The following DCDC1 variants were observed in gnomAD, a reference collection of about 807,000 sequenced individuals.
The protein encoded by DCDC1 is doublecortin domain containing 1, also known as doublecortin domain-containing protein 1.
In DCDC1, 200 loss-of-function variants were observed where a neutral mutation model predicts 178.3. The observed-to-expected ratio is 1.12, with a 90% CI of 1.00 to 1.26. DCDC1 has a LOEUF of 1.26. DCDC1 is among the 50% of genes most tolerant of loss of function. The pLI is 0.00. For synonymous variants in DCDC1, 690 were observed against 604.8 expected (o/e 1.14, Z -2.07); for missense variants, 1,983 against 1,749.2 (o/e 1.13, Z -2.38).
intron 8 of DCDC1, 154 bp from the exon 9 acceptor site, chr11:31,241,770 A>G: frequency 2.6e-6 from 1 of 383,732 alleles, no homozygotes. Flanking sequence ...CTGCGTTACT[A>G]GTGGCCACCA....
In DCDC1 at chr11:30,878,512, T is replaced by C. The variant is rs532985679; in HGVS notation, c.*40+32A>G. On this transcript the variant is annotated intron_variant, in intron 38 of 38. Transcript: ENST00000684477. ...AAAGAGATAAATAATCATAATGTCA[T>C]AACAAACATGAGTATGTGCACATAG... is the stretch of plus-strand genomic sequence containing the variant. 12 of 1,445,348 alleles carry C rather than the reference T, an allele frequency of 8.3e-6. No homozygotes were observed. In the African/African-American group the frequency reaches 1.8e-4, roughly 21 times the overall value. The allele number at this position is 1,445,348 out of a possible 1,614,324, so 89.5% of individuals were successfully genotyped here.
At chr11:31,357,069 C>A (rs1452355933) in intron 1 of DCDC1, among the ~76,000 whole-genome samples, 2 of 151,944 alleles carry the variant, frequency 1.3e-5, no homozygotes, top group East Asian at 3.9e-4. Flanking sequence ...AAGAGGGAAT[C>A]CTCCCTAACT....
At chr11:31,004,880 T>C (rs1199585786) in intron 20 of DCDC1, among the ~76,000 whole-genome samples, 3 of 152,054 alleles carry the variant, frequency 2.0e-5, no homozygotes, top group Non-Finnish European at 2.9e-5. Context: ...ATAGATAAAA[T>C]GTCTAAGTGT....
At chr11:31,157,180 A>T (rs1274612543) in intron 9 of DCDC1, among the ~76,000 whole-genome samples, 6 of 151,288 alleles carry the variant, frequency 4.0e-5, no homozygotes, top group Admixed American at 2.0e-4. Context: ...GGAGTTTGAG[A>T]CCAGACTGGG....
At chr11:30,900,282 A>G in intron 33 of DCDC1, 64 bp downstream of exon 33, 2 of 1,339,050 alleles carry the variant, frequency 1.5e-6, no homozygotes, top group Non-Finnish European at 2.0e-6. Context: ...TTATGATGGC[A>G]TAAAATGTAT....
intron 20 of DCDC1, among the ~76,000 whole-genome samples, chr11:30,973,289 A>AAC: frequency 6.6e-6 from 1 of 150,684 alleles, no homozygotes; most frequent in African/African-American, 2.4e-5. Flanking sequence ...AAAAAAAAAA[A>AAC]ATGTAGCATC....
chr11:31,048,260 A>G (rs1437359942), intron 20 of DCDC1, among the ~76,000 whole-genome samples: 1 of 152,208 alleles, frequency 6.6e-6, no homozygotes, highest in Non-Finnish European at 1.5e-5. Flanking sequence ...AAAATGAGAA[A>G]TTAATGCATA....
chr11:30,891,474 C>T (rs1943768470), intron 36 of DCDC1, among the ~76,000 whole-genome samples: 2 of 152,148 alleles, frequency 1.3e-5, no homozygotes, highest in Non-Finnish European at 2.9e-5. Flanking sequence ...CCCATTGTCT[C>T]AGCTCTACCC....
intron 20 of DCDC1, among the ~76,000 whole-genome samples, chr11:31,009,089 A>G (rs1952018822): frequency 1.3e-5 from 2 of 152,192 alleles, no homozygotes. Flanking sequence ...CATGCCCAAC[A>G]ATGAGAATAT....
intron 27 of DCDC1, among the ~76,000 whole-genome samples, chr11:30,914,556 A>C (rs1409670748): frequency 6.6e-6 from 1 of 151,884 alleles, no homozygotes; most frequent in Non-Finnish European, 1.5e-5. Flanking sequence ...TAATGGTAGA[A>C]TTTGAAGCAA....
intron 9 of DCDC1, among the ~76,000 whole-genome samples, chr11:31,155,633 G>T (rs1247353575): frequency 6.6e-6 from 1 of 152,222 alleles, no homozygotes; most frequent in Non-Finnish European, 1.5e-5. Context: ...TAACATCTTA[G>T]AAAGAAGGCA....
chr11:31,134,313 G>A (rs767249005), intron 10 of DCDC1, among the ~76,000 whole-genome samples: 36 of 152,166 alleles, frequency 2.4e-4, no homozygotes, highest in Non-Finnish European at 4.1e-4. Flanking sequence ...AAGTGACCAT[G>A]GGTACCATCT....
At chr11:31,323,354 G>A (rs887917761) in intron 3 of DCDC1, among the ~76,000 whole-genome samples, 2 of 152,266 alleles carry the variant, frequency 1.3e-5, no homozygotes, top group East Asian at 1.9e-4. Flanking sequence ...CTTCATATTC[G>A]TGTTGCCTGT....
chr11:31,037,951 T>C (rs1351867689), intron 20 of DCDC1, among the ~76,000 whole-genome samples: 1 of 151,858 alleles, frequency 6.6e-6, no homozygotes, highest in Non-Finnish European at 1.5e-5. Flanking sequence ...TAAGTCTTAT[T>C]GTTCAATTCC....
intron 6 of DCDC1, 21 bp downstream of exon 6, chr11:31,305,594 T>C (rs1352887349): frequency 6.2e-7 from 1 of 1,611,996 alleles, no homozygotes; most frequent in East Asian, 2.2e-5. Context: ...GGGGGTAGGG[T>C]ATTTTTTAGA....
intron 9 of DCDC1, among the ~76,000 whole-genome samples, chr11:31,217,817 T>A (rs1973770030): frequency 6.6e-6 from 1 of 152,128 alleles, no homozygotes; most frequent in Non-Finnish European, 1.5e-5. Flanking sequence ...AAGTAATATC[T>A]CTTCATTTTT....
intron 20 of DCDC1, among the ~76,000 whole-genome samples, chr11:31,044,138 C>A (rs549988416): frequency 2.0e-5 from 3 of 151,960 alleles, no homozygotes; most frequent in Admixed American, 6.6e-5. Context: ...TTAAACACAG[C>A]GAGTTTTCAC....
intron 21 of DCDC1, 92 bp from the exon 22 acceptor site, chr11:30,932,044 A>C: frequency 8.0e-7 from 1 of 1,248,530 alleles, no homozygotes; most frequent in Non-Finnish European, 1.0e-6. Flanking sequence ...TTATACCTTT[A>C]ATCTCTCATT....
chr11:31,278,258 T>A (rs553813448), intron 7 of DCDC1, among the ~76,000 whole-genome samples: 1 of 152,278 alleles, frequency 6.6e-6, no homozygotes, highest in Non-Finnish European at 1.5e-5. Flanking sequence ...TATTCCCATA[T>A]CATCCTGTTT....
Sources: gnomAD v4.1 joint callset for allele counts (sites outside exome capture counted in the v4.1 genomes callset) on GRCh38, gnomAD v4.1.1 for gene constraint, MANE v1.5 for transcripts, NCBI Gene and HGNC (gene_info 2026-07-23, HGNC 2026-07-21) for gene names.